The following DST variants were observed in gnomAD, a reference collection of about 807,000 sequenced individuals.
DST encodes dystonin, also known as bullous pemphigoid antigen.
DST carries 253 observed loss-of-function variants against 875.2 expected under a neutral mutation model. The observed-to-expected ratio is 0.29, with a 90% CI of 0.26 to 0.32. DST has a LOEUF of 0.32. DST is among the 10% of genes least tolerant of loss of function. DST has a pLI of 1.00. For synonymous variants in DST, 3,124 were observed against 3,197.1 expected (o/e 0.98, Z 0.77); for missense variants, 8,287 against 9,111.6 (o/e 0.91, Z 3.68).
rs140146028 is a variant in DST at position 56,785,558 on chromosome 6, A to G, written c.626-50269T>C. ...TCCTGGTGCACCGTTTCCTAAGCCCATTGGAAAAGCGCAGTATTCGGGTGG... is the reference window on the plus strand; with the variant it reads ...TCCTGGTGCACCGTTTCCTAAGCCCGTTGGAAAAGCGCAGTATTCGGGTGG... On this transcript the variant is annotated intron_variant, in intron 4 of 103. Transcript: ENST00000680361. Among the ~76,000 whole-genome samples, 519 of 152,098 alleles carry G rather than the reference A, an allele frequency of 3.4e-3. 4 individuals are homozygous for G. The highest frequency in any genetic ancestry group is 0.012 in the African/African-American group (504 of 41,510).
intron 49 of DST, among the ~76,000 whole-genome samples, 179 bp downstream of exon 49, chr6:56,592,003 A>AAG (rs2098282932): frequency 6.6e-6 from 1 of 150,864 alleles, no homozygotes; most frequent in Non-Finnish European, 1.5e-5. Flanking sequence ...AAAAAAAAAA[A>AAG]TTCGGAAAAA....
chr6:56,583,800 C>A (rs1236880334), intron 49 of DST, among the ~76,000 whole-genome samples: 3 of 152,218 alleles, frequency 2.0e-5, no homozygotes, highest in African/African-American at 7.2e-5. Context: ...GATCCAGTTT[C>A]AGCTTTCTAC....
At chr6:56,667,112 G>C (rs1356129932) in intron 10 of DST, among the ~76,000 whole-genome samples, 3 of 152,016 alleles carry the variant, frequency 2.0e-5, no homozygotes, top group African/African-American at 7.2e-5. Flanking sequence ...GTCTTGGTGT[G>C]CTGCCCAGGC....
rs111516114 is a variant in DST, at chr6:56,549,195, G to A, written c.16608+2989C>T. Among the ~76,000 whole-genome samples, 960 of 152,186 alleles carry A rather than the reference G, an allele frequency of 6.3e-3. 9 individuals are homozygous for A. Among genetic ancestry groups the A allele is most frequent in the African/African-American group, 0.022 (919 of 41,532 alleles). ...GGTAATAGCTATTATTCTCAGTTCT[G>A]CTCAGAAGGCAGTTTATTTTGTATT... On this transcript the variant is annotated intron_variant, in intron 61 of 103. Coordinates refer to ENST00000680361, the MANE Select transcript of DST (RefSeq NM_001374736.1).
chr6:56,464,906 CT>C (rs532239321), intron 99 of DST, 150 bp from the exon 100 acceptor site: 3 of 638,516 alleles, frequency 4.7e-6, no homozygotes, highest in Non-Finnish European at 8.2e-6. Flanking sequence ...AAAAGAAGCA[CT>C]CAAGGGATTG....
chr6:56,783,757 T>G (rs1255447438), intron 4 of DST, among the ~76,000 whole-genome samples: 1 of 152,220 alleles, frequency 6.6e-6, no homozygotes, highest in Non-Finnish European at 1.5e-5. Context: ...GTGAACCTGA[T>G]CCTGTCATTA....
chr6:56,624,763 A>C (rs893483402), intron 35 of DST, 135 bp from the exon 36 acceptor site: 7 of 687,364 alleles, frequency 1.0e-5, no homozygotes, highest in Non-Finnish European at 1.8e-5. Flanking sequence ...ATAAATGATA[A>C]GAATGAGCTT....
In DST at chr6:56,509,696, C is replaced by T; in HGVS notation, c.18958G>A (p.Gly6320Arg). The change falls in exon 74 of 104, where the codon GGA becomes AGA. Residue 6320 changes from glycine to arginine, a missense_variant. Physicochemically the swap from Gly to Arg is moderately radical, Grantham distance 125. Around this residue, in one of 10 missense-constraint regions of DST, gnomAD observed 1,292 missense variants for 1,552.7 expected, o/e 0.83. Transcript: ENST00000680361. ...CCAGATCTAGCAATCATTTCCTCTC[C>T]CCTCTGTTTAAGAGTTTCATACAAC... The part of the protein sequence containing the change: ...QPLYETLKQR[G>R]EEMIARSGGT... The T allele has an allele frequency of 6.2e-7, 1 of 1,613,722 alleles. No homozygotes were observed. The highest frequency in any genetic ancestry group is 8.5e-7 in the Non-Finnish European group (1 of 1,179,750).
At chr6:56,801,038 A>C (rs1350523692) in intron 4 of DST, among the ~76,000 whole-genome samples, 1 of 151,868 alleles carries the variant, frequency 6.6e-6, no homozygotes, top group Non-Finnish European at 1.5e-5. Flanking sequence ...AAAAAAAAAA[A>C]AAAAAAAACC....
chr6:56,859,289 TCC>T (rs1191125350), intron 3 of DST, among the ~76,000 whole-genome samples: 3 of 152,164 alleles, frequency 2.0e-5, no homozygotes, highest in Non-Finnish European at 4.4e-5. Context: ...CTCCCACACC[TCC>T]ATAAATCTCC....
chr6:56,900,692 T>C, intron 2 of DST, 71 bp from the exon 3 acceptor site: 1 of 1,188,358 alleles, frequency 8.4e-7, no homozygotes, highest in Non-Finnish European at 1.1e-6. Flanking sequence ...CCATGGCTAG[T>C]TATACAAAGA....
intron 61 of DST, among the ~76,000 whole-genome samples, chr6:56,539,976 T>G (rs1366476332): frequency 2.0e-5 from 3 of 152,144 alleles, no homozygotes; most frequent in Non-Finnish European, 4.4e-5. Flanking sequence ...AAGCCTAACA[T>G]TAACATATAT....
intron 3 of DST, among the ~76,000 whole-genome samples, chr6:56,862,423 G>A (rs1390908174): frequency 6.6e-6 from 1 of 152,092 alleles, no homozygotes; most frequent in East Asian, 1.9e-4. Flanking sequence ...CCCAGAATGA[G>A]AAGTGAGAAA....
At chr6:56,744,325 G>A (rs181515031) in intron 4 of DST, among the ~76,000 whole-genome samples, 79 of 151,314 alleles carry the variant, frequency 5.2e-4, no homozygotes, top group African/African-American at 1.7e-3. Flanking sequence ...TGAGTTTAAG[G>A]ATCAGATGTG....
At chr6:56,657,501 T>C (rs1183473084) in intron 10 of DST, among the ~76,000 whole-genome samples, 11 of 152,012 alleles carry the variant, frequency 7.2e-5, no homozygotes, top group Non-Finnish European at 1.5e-5. Flanking sequence ...GAAAAAACAC[T>C]GGACCACAGT....
chr6:56,789,461 C>A (rs2099711254), intron 4 of DST, among the ~76,000 whole-genome samples: 1 of 152,060 alleles, frequency 6.6e-6, no homozygotes, highest in South Asian at 2.1e-4. Context: ...GTAACTATAA[C>A]ATAAAATTTA....
rs1337375193 is a variant in DST, at chr6:56,598,717, C to A, written c.11695-8G>T. 7 of 1,484,872 alleles carry A rather than the reference C, an allele frequency of 4.7e-6. No homozygotes were observed. The Admixed American group carries it at 8.4e-5, about 18-fold the overall frequency. The allele number at this position is 1,484,872 out of a possible 1,614,324, so 92.0% of individuals were successfully genotyped here. ...CATATCTTTCTGTAATTCCTTATAA[C>A]ACAAAAGGAAAAAATATATTTTATT... On this transcript the variant is annotated splice_polypyrimidine_tract_variant and splice_region_variant and intron_variant, in intron 45 of 103. Transcript: ENST00000680361.
chr6:56,608,420 C>T lies in DST; in HGVS notation c.6208G>A (p.Val2070Ile), dbSNP rs1459716241. 6.2e-7 allele frequency: 1 copy of T among 1,613,732 alleles called. No homozygotes were observed. The highest frequency in any genetic ancestry group is 1.3e-5 in the African/African-American group (1 of 75,034). ...CCAGAATGGGGCCAAATGAGTCCAA[C>T]ATAGCCTCGCTGAGCTTCCAGGACC... ...LLVLEAQRGY[V>I]GLIWPHSGEI... The change falls in exon 40 of 104, where the codon GTT becomes ATT. Residue 2070 changes from valine (V) to isoleucine (I), a missense_variant. Around this residue, in one of 10 missense-constraint regions of DST, gnomAD observed 3,138 missense variants for 3,116.6 expected, o/e 1.01. Coordinates refer to ENST00000680361, the MANE Select transcript of DST (RefSeq NM_001374736.1).
At position 56,635,047 on chromosome 6, in the gene DST, C is replaced by T. The variant is rs1398533033; in HGVS notation, c.3187-94G>A. ...ACAAATTAAACTTCATCAGAAAAGTCTTCTCTCTGACTACCTAGTCTAAAT... is the reference window on the plus strand; with the variant it reads ...ACAAATTAAACTTCATCAGAAAAGTTTTCTCTCTGACTACCTAGTCTAAAT... On this transcript the variant is annotated intron_variant, in intron 24 of 103. Coordinates refer to ENST00000680361, the MANE Select transcript of DST (RefSeq NM_001374736.1). The T allele has an allele frequency of 2.7e-5, 27 of 1,012,146 alleles. 2 individuals are homozygous for T. In the African/African-American group the frequency reaches 3.2e-4, roughly 12 times the overall value. The allele number at this position is 1,012,146 out of a possible 1,614,324, so 62.7% of individuals were successfully genotyped here.
Sources: gnomAD v4.1 joint callset for allele counts (sites outside exome capture counted in the v4.1 genomes callset) on GRCh38, gnomAD v4.1.1 for gene constraint, gnomAD v4.1.1 regional missense constraint, MANE v1.5 for transcripts, NCBI Gene and HGNC (gene_info 2026-07-23, HGNC 2026-07-21) for gene names.